Variants in UPB1 observed in about 807,000 individuals in gnomAD.
UPB1 encodes the protein beta-ureidopropionase.
Under a neutral mutation model 49.1 loss-of-function variants are expected in UPB1, and 40 were observed. The ratio of observed to expected loss-of-function variants is 0.81; its 90% confidence interval spans 0.63 to 1.06. The LOEUF is 1.06. UPB1 is among the 50% of genes least tolerant of loss of function. The pLI is 0.00. For synonymous variants in UPB1, 207 were observed against 198.2 expected (o/e 1.04, Z -0.38); for missense variants, 499 against 505.9 (o/e 0.99, Z 0.13).
chr22:24,510,616 C>T (rs578141230), intron 3 of UPB1, 133 bp from the exon 4 acceptor site: 1 of 936,360 alleles, frequency 1.1e-6, no homozygotes, highest in African/African-American at 1.6e-5. Context: ...CAGCCAGGAA[C>T]AGGACCCAGA....
At chr22:24,500,715 TGTG>T (rs780668151) in intron 2 of UPB1, among the ~76,000 whole-genome samples, 1 of 152,218 alleles carries the variant, frequency 6.6e-6, no homozygotes, top group Non-Finnish European at 1.5e-5. Flanking sequence ...GTCTGTCAGT[TGTG>T]GTGCCTACAG....
chr22:24,507,427 C>A (rs182372398), intron 3 of UPB1, among the ~76,000 whole-genome samples: 1 of 152,242 alleles, frequency 6.6e-6, no homozygotes, highest in East Asian at 1.9e-4. Context: ...ACCAGGCTTC[C>A]TGGGACCGGA....
Position 24,525,787 on chromosome 22 carries a change from A to G in UPB1, c.1148A>G (p.Lys383Arg). 1 of 1,614,198 alleles carries G rather than the reference A, an allele frequency of 6.2e-7. No homozygotes were observed. The highest frequency in any genetic ancestry group is 2.2e-5 in the East Asian group (1 of 44,884). Residue 383 changes from lysine to arginine, a missense_variant, in exon 10 of 10, where the codon AAA becomes AGA. Transcript: ENST00000326010. The stretch of plus-strand genomic sequence containing the variant: ...TCCAACTACAGCCCCACCATCGTGA[A>G]AGAGTAGCCGGCTTCAGTGCCTGCC... ...VKSNYSPTIVKE is the reference protein window; with the variant it reads ...VKSNYSPTIVRE
intron 6 of UPB1, among the ~76,000 whole-genome samples, chr22:24,516,185 T>C (rs2044290246): frequency 6.6e-6 from 1 of 152,100 alleles, no homozygotes; most frequent in Non-Finnish European, 1.5e-5. Context: ...AGGAAACTTG[T>C]CTTTAACCAG....
Position 24,525,811 on chromosome 22 carries a change from C to A in UPB1, c.*17C>A. 1 of 1,614,106 alleles carries A rather than the reference C, an allele frequency of 6.2e-7. No homozygotes were observed. The highest frequency in any genetic ancestry group is 8.5e-7 in the Non-Finnish European group (1 of 1,180,004). ...AAAGAGTAGCCGGCTTCAGTGCCTG[C>A]CTTGGGGTGAGGAAGACACCTCTGC... On this transcript the variant is annotated 3_prime_UTR_variant, in exon 10 of 10. Transcript: ENST00000326010.
At chr22:24,510,945 C>T (rs2044188221) in intron 4 of UPB1, 102 bp downstream of exon 4, 1 of 1,183,846 alleles carries the variant, frequency 8.4e-7, no homozygotes. Context: ...GGAAAATGCA[C>T]CCATTTGGTG....
At chr22:24,519,175 A>G (rs2044345699) in intron 6 of UPB1, among the ~76,000 whole-genome samples, 1 of 152,138 alleles carries the variant, frequency 6.6e-6, no homozygotes, top group South Asian at 2.1e-4. Context: ...GCTGGGGGAA[A>G]AAAGCAGCAA....
chr22:24,502,529 C>T, intron 3 of UPB1: 1 of 779,892 alleles, frequency 1.3e-6, no homozygotes, highest in East Asian at 2.4e-5. Flanking sequence ...CCTGTGCCCT[C>T]CTGACCAGGA....
At chr22:24,505,628 G>A (rs1259631378) in intron 3 of UPB1, among the ~76,000 whole-genome samples, 7 of 152,212 alleles carry the variant, frequency 4.6e-5, no homozygotes, top group Admixed American at 4.6e-4. Flanking sequence ...TGAGCCTCTG[G>A]CCTTCTTCTG....
chr22:24,511,992 A>G (rs1037795524), intron 4 of UPB1, among the ~76,000 whole-genome samples: 1 of 152,204 alleles, frequency 6.6e-6, no homozygotes, highest in African/African-American at 2.4e-5. Flanking sequence ...TTTCACCTCT[A>G]ACACAATAAC....
rs374257101 is a variant in UPB1 at position 24,515,278 on chromosome 22, C to G, written c.699C>G (p.Cys233Trp). 2 of 1,614,180 alleles carry G rather than the reference C, an allele frequency of 1.2e-6. No homozygotes were observed. The highest frequency in any genetic ancestry group is 1.7e-6 in the Non-Finnish European group (2 of 1,180,042). The change falls in exon 6 of 10, where the codon TGC becomes TGG. Residue 233 changes from cysteine to tryptophan, a missense_variant. Coordinates refer to ENST00000326010, the MANE Select transcript of UPB1 (RefSeq NM_016327.3). Reference protein sequence around the residue: ...TQFGRIAVNICYGRHHPLNWL... With the variant: ...TQFGRIAVNIWYGRHHPLNWL... The stretch of plus-strand genomic sequence containing the variant: ...TCGGAAGGATCGCGGTGAACATTTG[C>G]TACGGGCGGCACCACCCCCTCAACT...
At chr22:24,520,970 G>T (rs2044379824) in intron 7 of UPB1, among the ~76,000 whole-genome samples, 1 of 152,058 alleles carries the variant, frequency 6.6e-6, no homozygotes, top group Non-Finnish European at 1.5e-5. Context: ...ATCACCTGAG[G>T]TCAGAAGTTT....
chr22:24,500,315 G>A (rs1245817254), intron 2 of UPB1, 37 bp downstream of exon 2: 7 of 1,612,178 alleles, frequency 4.3e-6, no homozygotes, highest in Middle Eastern at 3.9e-4. Context: ...TACACAAACA[G>A]GGTTGTGGCC....
intron 6 of UPB1, among the ~76,000 whole-genome samples, chr22:24,518,750 T>C (rs763381760): frequency 1.4e-4 from 22 of 152,346 alleles, no homozygotes; most frequent in Admixed American, 7.8e-4. Flanking sequence ...AATCCAAGGA[T>C]GTGTCCCTTA....
At chr22:24,522,943 TAAAAAAA>T (rs747503249) in intron 8 of UPB1, among the ~76,000 whole-genome samples, 2 of 66,380 alleles carry the variant, frequency 3.0e-5, no homozygotes, top group Admixed American at 1.8e-4. Context: ...AAATGCCACC[TAAAAAAA>T]AAAAAAAAAA....
rs760346924 is a variant in UPB1 at position 24,515,342 on chromosome 22, A to G, written c.763A>G (p.Asn255Asp). Residue 255 changes from asparagine (N) to aspartate (D), a missense_variant, in exon 6 of 10, where the codon AAC becomes GAC. Transcript: ENST00000326010. ...CATCAACGGGGCTGAGATCATCTTC[A>G]ACCCCTCGGCCACGATAGGAGCACT... The part of the protein sequence containing the change: ...YSINGAEIIF[N>D]PSATIGALSE... 1 of 1,614,094 alleles carries G rather than the reference A, an allele frequency of 6.2e-7. No homozygotes were observed. Among genetic ancestry groups the G allele is most frequent in the Non-Finnish European group, 8.5e-7 (1 of 1,179,998 alleles).
At chr22:24,515,607 A>G (rs1255468626) in intron 6 of UPB1, among the ~76,000 whole-genome samples, 1 of 151,900 alleles carries the variant, frequency 6.6e-6, no homozygotes, top group Non-Finnish European at 1.5e-5. Flanking sequence ...TAAAACACCA[A>G]CCTCTGCTGT....
intron 9 of UPB1, 118 bp downstream of exon 9, chr22:24,523,891 G>T: frequency 6.8e-7 from 1 of 1,474,936 alleles, no homozygotes; most frequent in Non-Finnish European, 9.4e-7. Context: ...CCCACCTGAG[G>T]GCTCTGTGTG....
rs995451623 is a variant in UPB1, at chr22:24,522,180, C to T, written c.916+152C>T. 4 of 956,178 alleles carry T rather than the reference C, an allele frequency of 4.2e-6. No individual in the cohort carries two copies. In the African/African-American group the frequency reaches 4.9e-5, roughly 12 times the overall value. The allele number at this position is 956,178 out of a possible 1,614,324, so 59.2% of individuals were successfully genotyped here. On this transcript the variant is annotated intron_variant, in intron 8 of 9. Transcript: ENST00000326010. ...CGCCAATTCCTCTCTGCTTTATTGCCTGCAGTGTGGGAATCGGGCTGTGGC... is the reference window on the plus strand; with the variant it reads ...CGCCAATTCCTCTCTGCTTTATTGCTTGCAGTGTGGGAATCGGGCTGTGGC...
Sources: allele counts gnomAD v4.1 joint callset (sites outside exome capture counted in the v4.1 genomes callset), GRCh38; gene constraint gnomAD v4.1.1; transcripts MANE v1.5; gene names NCBI Gene and HGNC (gene_info 2026-07-23, HGNC 2026-07-21).